The following WDR27 variants were observed in gnomAD, a reference collection of about 807,000 sequenced individuals.
WDR27 encodes the protein WD repeat domain 27, also known as WD repeat-containing protein 27.
Under a neutral mutation model 114.4 loss-of-function variants are expected in WDR27, and 100 were observed. The observed-to-expected ratio is 0.87, with a 90% CI of 0.74 to 1.03. The LOEUF (loss-of-function observed/expected upper bound fraction) is 1.03, where lower values mean the gene tolerates loss of function less well. Among genes scored for constraint, WDR27 ranks in the 50% least tolerant of loss-of-function variants. The probability of loss-of-function intolerance (pLI) is 0.00; values close to 1 mark genes in which losing one functional copy is unlikely to be tolerated. For missense variants in WDR27, 1,129 were observed against 1,092.9 expected (o/e 1.03, Z -0.47); for synonymous variants, 449 against 423.1 (o/e 1.06, Z -0.75).
intron 21 of WDR27, among the ~76,000 whole-genome samples, chr6:169,623,858 C>T (rs545741570): frequency 6.6e-4 from 100 of 152,288 alleles, no homozygotes; most frequent in African/African-American, 2.0e-3. Flanking sequence ...GTTTTCCTCA[C>T]ACTGGCTGAG....
At chr6:169,592,190 C>T (rs1228951153) in intron 23 of WDR27, among the ~76,000 whole-genome samples, 1 of 152,136 alleles carries the variant, frequency 6.6e-6, no homozygotes, top group Non-Finnish European at 1.5e-5. Context: ...CTTGTTTATT[C>T]TCCCAAGTAA....
At chr6:169,480,839 C>T (rs1324044166) in intron 25 of WDR27, among the ~76,000 whole-genome samples, 1 of 148,266 alleles carries the variant, frequency 6.7e-6, no homozygotes, top group Non-Finnish European at 1.5e-5. Flanking sequence ...TGTAAATGCA[C>T]CAATCAGCAC....
chr6:169,440,216 T>C, the WDR27 span, among the ~76,000 whole-genome samples: 5 of 152,188 alleles, frequency 3.3e-5, no homozygotes. Context: ...ATATTGTTTT[T>C]AGACTGTAAC....
chr6:169,624,240 T>C (rs1179087393), intron 21 of WDR27, among the ~76,000 whole-genome samples: 3 of 149,580 alleles, frequency 2.0e-5, no homozygotes, highest in African/African-American at 7.4e-5. Context: ...AGGTGTGCCA[T>C]GTGGGGCGTC....
chr6:169,672,630 T>A (rs1779032248), intron 2 of WDR27, among the ~76,000 whole-genome samples: 2 of 148,766 alleles, frequency 1.3e-5, no homozygotes, highest in Non-Finnish European at 3.0e-5. Context: ...AGATACAGGC[T>A]ACCTCGTTCT....
In WDR27 at chr6:169,494,004, C is replaced by T. The variant is rs116774972; in HGVS notation, c.2646-36370G>A. Among the ~76,000 whole-genome samples, 829 of 152,260 alleles carry T rather than the reference C, an allele frequency of 5.4e-3. 6 individuals are homozygous for T. The highest frequency in any genetic ancestry group is 0.019 in the African/African-American group (786 of 41,538). ...TTCTCTTTTCTGACTCTGATACTTTCGACTGTCAATTACAGTTAGATACAA... is the reference window on the plus strand; with the variant it reads ...TTCTCTTTTCTGACTCTGATACTTTTGACTGTCAATTACAGTTAGATACAA... On this transcript the variant is annotated intron_variant, in intron 25 of 25. Coordinates refer to ENST00000448612, the MANE Select transcript of WDR27 (RefSeq NM_182552.5).
intron 25 of WDR27, among the ~76,000 whole-genome samples, chr6:169,486,925 C>T (rs1171226866): frequency 1.3e-5 from 2 of 152,234 alleles, no homozygotes; most frequent in Admixed American, 1.3e-4. Context: ...AAAATAGTGA[C>T]TTTTCTCTAC....
intron 21 of WDR27, among the ~76,000 whole-genome samples, chr6:169,615,210 T>C (rs769632994): frequency 3.9e-5 from 6 of 152,196 alleles, no homozygotes; most frequent in Admixed American, 6.5e-5. Flanking sequence ...GATTTCATTA[T>C]TATCATTATT....
chr6:169,590,009 T>G (rs1186414995), intron 23 of WDR27, among the ~76,000 whole-genome samples: 1 of 100,010 alleles, frequency 1.0e-5, no homozygotes, highest in Non-Finnish European at 2.2e-5. Flanking sequence ...GGCATAAATC[T>G]GTGGGTGCTG....
At chr6:169,480,436 G>A (rs748235483) in intron 25 of WDR27, among the ~76,000 whole-genome samples, 5 of 152,262 alleles carry the variant, frequency 3.3e-5, no homozygotes, top group African/African-American at 9.6e-5. Flanking sequence ...GGCGTGCAGC[G>A]TGGGACTGGT....
At chr6:169,487,353 T>A (rs933541563) in intron 25 of WDR27, among the ~76,000 whole-genome samples, 2 of 152,182 alleles carry the variant, frequency 1.3e-5, no homozygotes, top group African/African-American at 4.8e-5. Context: ...AGCACCAGAA[T>A]CTACCTGCTA....
chr6:169,437,194 G>C, the WDR27 span, among the ~76,000 whole-genome samples: 1 of 152,172 alleles, frequency 6.6e-6, no homozygotes, highest in African/African-American at 2.4e-5. Flanking sequence ...GAGAGTTTAT[G>C]AAGGATGGAT....
At chr6:169,623,555 G>A (rs1163122648) in intron 21 of WDR27, among the ~76,000 whole-genome samples, 2 of 152,156 alleles carry the variant, frequency 1.3e-5, no homozygotes, top group African/African-American at 4.8e-5. Flanking sequence ...GCTTCACACA[G>A]AAGTCACAGC....
chr6:169,623,686 A>G (rs947883223), intron 21 of WDR27, among the ~76,000 whole-genome samples: 1 of 152,240 alleles, frequency 6.6e-6, no homozygotes, highest in African/African-American at 2.4e-5. Context: ...TTTAGAAGAA[A>G]AACTGGTCAT....
chr6:169,502,777 AC>A (rs1002351731), intron 25 of WDR27, among the ~76,000 whole-genome samples: 2 of 152,064 alleles, frequency 1.3e-5, no homozygotes, highest in Non-Finnish European at 2.9e-5. Context: ...GCCATCTTCA[AC>A]CTTGCATTTC....
intron 19 of WDR27, among the ~76,000 whole-genome samples, chr6:169,634,828 G>C (rs1287765272): frequency 6.6e-6 from 1 of 152,124 alleles, no homozygotes; most frequent in East Asian, 1.9e-4. Context: ...GTATTTCCAT[G>C]TATGCTTAGA....
intron 23 of WDR27, among the ~76,000 whole-genome samples, chr6:169,600,675 C>T (rs1458879588): frequency 6.6e-6 from 1 of 152,158 alleles, no homozygotes; most frequent in Non-Finnish European, 1.5e-5. Flanking sequence ...ATGCACAAGC[C>T]TCAGTAGCTG....
At chr6:169,652,540 C>A (rs1388741199) in intron 13 of WDR27, among the ~76,000 whole-genome samples, 1 of 152,238 alleles carries the variant, frequency 6.6e-6, no homozygotes, top group South Asian at 2.1e-4. Context: ...AGCCACTATG[C>A]CCGGCCTAGC....
At chr6:169,497,426 T>A (rs976469831) in intron 25 of WDR27, among the ~76,000 whole-genome samples, 3 of 152,012 alleles carry the variant, frequency 2.0e-5, no homozygotes, top group Admixed American at 6.5e-5. Context: ...TTCGTGAAAA[T>A]TTTTTAAATT....
Sources: allele counts gnomAD v4.1 joint callset (sites outside exome capture counted in the v4.1 genomes callset), GRCh38; gene constraint gnomAD v4.1.1; transcripts MANE v1.5; gene names NCBI Gene and HGNC (gene_info 2026-07-23, HGNC 2026-07-21).